The following CCDC152 variants were observed in gnomAD, a reference collection of about 807,000 sequenced individuals.
The protein encoded by CCDC152 is coiled-coil domain containing 152, also known as coiled-coil domain-containing protein 152.
In CCDC152, 37 loss-of-function variants were observed where a neutral mutation model predicts 38.1. That is an observed-to-expected ratio of 0.97 (90% CI 0.75 to 1.28). CCDC152 has a LOEUF of 1.28. Ranked by LOEUF, CCDC152 falls within the 50% of genes most tolerant of loss-of-function variation. The pLI is 0.00. For missense variants in CCDC152, 259 were observed against 292.1 expected (o/e 0.89, Z 0.83); for synonymous variants, 83 against 87.1 (o/e 0.95, Z 0.26).
Position 42,799,890 on chromosome 5 carries a change from G to T in CCDC152, c.*109G>T. On this transcript the variant is annotated 3_prime_UTR_variant, in exon 9 of 9. Transcript: ENST00000361970. ...ACATAACAAACGAAGTCAGCTTTAA[G>T]GTTTTTATTGAATTTATTTGGACAA... The T allele has an allele frequency of 3.3e-6, 4 of 1,209,626 alleles. No homozygotes were observed. In the South Asian group the frequency reaches 4.3e-5, roughly 13 times the overall value. The allele number at this position is 1,209,626 out of a possible 1,614,324, so 74.9% of individuals were successfully genotyped here.
rs1759670865 is a variant in CCDC152 at position 42,769,573 on chromosome 5, ATAAAT to A, written c.194-22_194-18del. On this transcript the variant is annotated intron_variant, in intron 3 of 8. Transcript: ENST00000361970. ...CAAAATGAAAGCAAGGGATTTTAAAATAAATTTATCTTTTATATTTCAGAATGTGC... is the reference window on the plus strand; with the variant it reads ...CAAAATGAAAGCAAGGGATTTTAAAATTATCTTTTATATTTCAGAATGTGC... The A allele has an allele frequency of 6.9e-7, 1 of 1,451,668 alleles. No individual in the cohort carries two copies. The highest frequency in any genetic ancestry group is 2.7e-5 in the East Asian group (1 of 37,078). 89.9% of individuals were successfully genotyped at this position (1,451,668 alleles called of 1,614,324 possible).
At chr5:42,789,322 C>T (rs1759967566) in intron 6 of CCDC152, among the ~76,000 whole-genome samples, 1 of 152,172 alleles carries the variant, frequency 6.6e-6, no homozygotes, top group Non-Finnish European at 1.5e-5. Flanking sequence ...CCTCAGTTTT[C>T]CTTTCAGAAC....
chr5:42,788,442 A>T (rs1356378095), intron 6 of CCDC152, among the ~76,000 whole-genome samples: 1 of 152,058 alleles, frequency 6.6e-6, no homozygotes, highest in Non-Finnish European at 1.5e-5. Context: ...CTTACAAACC[A>T]GAAGAGACTG....
intron 5 of CCDC152, among the ~76,000 whole-genome samples, chr5:42,781,888 T>C (rs1579715779): frequency 6.6e-6 from 1 of 152,220 alleles, no homozygotes; most frequent in East Asian, 1.9e-4. Context: ...TGCTTTCCTT[T>C]TCTCTTGCCT....
intron 6 of CCDC152, among the ~76,000 whole-genome samples, chr5:42,791,192 A>T (rs560118517): frequency 2.4e-4 from 36 of 152,194 alleles, no homozygotes; most frequent in African/African-American, 7.7e-4. Flanking sequence ...TTATTTTTTT[A>T]AATTGTAGTA....
Position 42,801,141 on chromosome 5 carries a change from C to T in CCDC152, c.*1360C>T, listed in dbSNP as rs775303625. On this transcript the variant is annotated 3_prime_UTR_variant, in exon 9 of 9. Transcript: ENST00000361970. ...CTTGTGCTTATGGTGGTGATGAAGGCCTGGAGGAGCAGGATGAGTAGGAGC... is the reference window on the plus strand; with the variant it reads ...CTTGTGCTTATGGTGGTGATGAAGGTCTGGAGGAGCAGGATGAGTAGGAGC... 1.9e-6 allele frequency: 3 copies of T among 1,613,962 alleles called. No homozygotes were observed. The Admixed American group carries it at 5.0e-5, about 27-fold the overall frequency.
intron 4 of CCDC152, among the ~76,000 whole-genome samples, chr5:42,777,424 C>T (rs966401590): frequency 5.3e-5 from 8 of 150,330 alleles, no homozygotes; most frequent in South Asian, 2.1e-4. Flanking sequence ...ATCGCGCCAT[C>T]GCACTCCAGC....
At chr5:42,791,410 G>A (rs550804487) in intron 6 of CCDC152, among the ~76,000 whole-genome samples, 1 of 152,264 alleles carries the variant, frequency 6.6e-6, no homozygotes, top group East Asian at 1.9e-4. Context: ...TAGCTCTATG[G>A]CAACCTATTT....
chr5:42,757,070 G>A (rs1049048507), intron 1 of CCDC152, among the ~76,000 whole-genome samples, 185 bp downstream of exon 1: 19 of 147,262 alleles, frequency 1.3e-4, no homozygotes, highest in Admixed American at 1.3e-3. Context: ...GCTAGAAAGC[G>A]ATTCGAAACT....
chr5:42,777,703 A>G (rs966698212), intron 4 of CCDC152, among the ~76,000 whole-genome samples: 6 of 152,204 alleles, frequency 3.9e-5, no homozygotes, highest in Non-Finnish European at 7.3e-5. Context: ...TTAGATCTTT[A>G]CTTAATTTTA....
intron 6 of CCDC152, among the ~76,000 whole-genome samples, chr5:42,785,341 T>C (rs888762197): frequency 1.3e-5 from 2 of 152,108 alleles, no homozygotes; most frequent in African/African-American, 4.8e-5. Context: ...TTCCAGGTAA[T>C]TTTGTGTGTG....
At chr5:42,778,061 G>C (rs1561275855) in intron 4 of CCDC152, among the ~76,000 whole-genome samples, 1 of 152,118 alleles carries the variant, frequency 6.6e-6, no homozygotes, top group African/African-American at 2.4e-5. Flanking sequence ...ACTACTTCTT[G>C]GTTGTGTTTA....
chr5:42,794,268 A>G (rs1425543200), intron 6 of CCDC152, among the ~76,000 whole-genome samples: 1 of 152,226 alleles, frequency 6.6e-6, no homozygotes, highest in African/African-American at 2.4e-5. Flanking sequence ...ACTGAGAACA[A>G]ACTGGAATTT....
intron 6 of CCDC152, among the ~76,000 whole-genome samples, chr5:42,790,972 A>T (rs1233959355): frequency 6.6e-6 from 1 of 152,090 alleles, no homozygotes; most frequent in African/African-American, 2.4e-5. Context: ...TCTCTACATG[A>T]GTTCATGTAG....
intron 3 of CCDC152, among the ~76,000 whole-genome samples, chr5:42,764,274 G>A (rs1052092890): frequency 3.9e-5 from 6 of 152,116 alleles, no homozygotes; most frequent in South Asian, 4.2e-4. Flanking sequence ...GCCGGGCATG[G>A]TGGCAGGCGC....
At chr5:42,779,306 T>A (rs749539778) in intron 4 of CCDC152, among the ~76,000 whole-genome samples, 152 bp from the exon 5 acceptor site, 1 of 152,188 alleles carries the variant, frequency 6.6e-6, no homozygotes, top group East Asian at 1.9e-4. Flanking sequence ...CACTTTCATA[T>A]TCTCAGTGTC....
chr5:42,789,246 T>C (rs537770518), intron 6 of CCDC152, among the ~76,000 whole-genome samples: 1 of 152,214 alleles, frequency 6.6e-6, no homozygotes, highest in East Asian at 1.9e-4. Flanking sequence ...GCTAGAGTCT[T>C]GCTGCCTTCA....
chr5:42,797,081 C>CAGA, intron 7 of CCDC152, 125 bp downstream of exon 7: 2 of 661,640 alleles, frequency 3.0e-6, no homozygotes, highest in Non-Finnish European at 4.9e-6. Flanking sequence ...GGGCTTCACA[C>CAGA]ATGCTCATTC....
chr5:42,791,763 G>A (rs1388090045), intron 6 of CCDC152, among the ~76,000 whole-genome samples: 3 of 152,082 alleles, frequency 2.0e-5, no homozygotes, highest in Non-Finnish European at 4.4e-5. Flanking sequence ...TACATCTGTG[G>A]TCCCTGAAGA....
Sources: allele counts gnomAD v4.1 joint callset (sites outside exome capture counted in the v4.1 genomes callset), GRCh38; gene constraint gnomAD v4.1.1; transcripts MANE v1.5; gene names NCBI Gene and HGNC (gene_info 2026-07-23, HGNC 2026-07-21).